MYO18B: variants seen among roughly 807,000 people sequenced by gnomAD.
The protein encoded by MYO18B is myosin XVIIIB.
In MYO18B, 204 loss-of-function variants were observed where a neutral mutation model predicts 273.0. The observed-to-expected ratio is 0.75, with a 90% CI of 0.67 to 0.84. MYO18B has a LOEUF of 0.84. Among genes scored for constraint, MYO18B ranks in the 40% least tolerant of loss-of-function variants. The probability of loss-of-function intolerance (pLI) is 0.00; values close to 1 mark genes in which losing one functional copy is unlikely to be tolerated. For missense variants in MYO18B, 3,212 were observed against 3,287.6 expected (o/e 0.98, Z 0.56); for synonymous variants, 1,330 against 1,305.7 (o/e 1.02, Z -0.40).
chr22:25,997,883 C>A (rs1050915421), intron 40 of MYO18B, among the ~76,000 whole-genome samples: 1 of 151,130 alleles, frequency 6.6e-6, no homozygotes, highest in Non-Finnish European at 1.5e-5. Flanking sequence ...AGGTACTTCT[C>A]CAAACAGAGT....
intron 12 of MYO18B, among the ~76,000 whole-genome samples, chr22:25,815,643 C>T (rs999476192): frequency 6.6e-6 from 1 of 152,148 alleles, no homozygotes; most frequent in East Asian, 1.9e-4. Context: ...TCAAAGATGC[C>T]TCCTTATCCA....
intron 17 of MYO18B, among the ~76,000 whole-genome samples, chr22:25,842,282 T>C (rs1352504126): frequency 6.6e-6 from 1 of 152,200 alleles, no homozygotes; most frequent in Admixed American, 6.5e-5. Context: ...AGGACCCTAG[T>C]GCATGCAAGT....
intron 37 of MYO18B, among the ~76,000 whole-genome samples, chr22:25,951,896 C>G (rs1308571033): frequency 6.6e-6 from 1 of 152,222 alleles, no homozygotes; most frequent in African/African-American, 2.4e-5. Context: ...ACACACCAGG[C>G]AGAAACCTGG....
chr22:25,902,712 A>G lies in MYO18B; in HGVS notation c.4923A>G (p.Leu1641=). The G allele has an allele frequency of 6.3e-7, 1 of 1,588,204 alleles. No individual in the cohort carries two copies. The highest frequency in any genetic ancestry group is 8.6e-7 in the Non-Finnish European group (1 of 1,166,690). The part of the protein sequence containing the change: ...TQENTSVRWE[L]GQLQQQLKQK... ...AGAACACCAGTGTCCGGTGGGAGCTAGGCCAGCTTCAGCAGCAGCTGAAGG... is the reference window on the plus strand; with the variant it reads ...AGAACACCAGTGTCCGGTGGGAGCTGGGCCAGCTTCAGCAGCAGCTGAAGG... Residue 1641 remains leucine, a synonymous_variant, in exon 30 of 44, where the codon CTA becomes CTG. Transcript: ENST00000335473.
At chr22:25,974,404 C>G (rs2093067216) in intron 39 of MYO18B, among the ~76,000 whole-genome samples, 1 of 152,220 alleles carries the variant, frequency 6.6e-6, no homozygotes, top group African/African-American at 2.4e-5. Context: ...GTAATTGGCT[C>G]AACCTAATAG....
intron 12 of MYO18B, among the ~76,000 whole-genome samples, chr22:25,815,030 G>C (rs1217931078): frequency 6.6e-6 from 1 of 152,176 alleles, no homozygotes; most frequent in Non-Finnish European, 1.5e-5. Flanking sequence ...CCAATAAATG[G>C]AATTCATAAT....
intron 25 of MYO18B, among the ~76,000 whole-genome samples, chr22:25,889,283 A>G (rs1402959472): frequency 6.6e-6 from 1 of 152,160 alleles, no homozygotes. Flanking sequence ...CTAGCTCGGG[A>G]AGGGCAGCTA....
the MYO18B span, among the ~76,000 whole-genome samples, chr22:26,047,415 C>G: frequency 6.6e-6 from 1 of 152,164 alleles, no homozygotes; most frequent in African/African-American, 2.4e-5. Context: ...CGTGAGCCAC[C>G]GCGCCCAGCC....
At chr22:25,889,235 A>G (rs370610819) in intron 25 of MYO18B, among the ~76,000 whole-genome samples, 14 of 152,282 alleles carry the variant, frequency 9.2e-5, no homozygotes, top group Admixed American at 2.0e-4. Flanking sequence ...CAGCTGAATA[A>G]ATTTTGAGCC....
chr22:25,796,838 A>C (rs1160004640), intron 11 of MYO18B, among the ~76,000 whole-genome samples: 1 of 152,188 alleles, frequency 6.6e-6, no homozygotes. Flanking sequence ...TTTAAAGCCC[A>C]CGCCCTTTAG....
At chr22:25,918,670 C>T (rs529713378) in intron 33 of MYO18B, among the ~76,000 whole-genome samples, 17 of 152,144 alleles carry the variant, frequency 1.1e-4, no homozygotes, top group Admixed American at 2.0e-4. Context: ...GAATCTGAGC[C>T]ATCTCTACTG....
chr22:25,984,295 T>C (rs2093178358), intron 39 of MYO18B, among the ~76,000 whole-genome samples: 1 of 152,162 alleles, frequency 6.6e-6, no homozygotes, highest in Non-Finnish European at 1.5e-5. Context: ...GTTCCTGCTG[T>C]TTGTGATGTT....
chr22:25,988,840 C>G (rs1210658329), intron 39 of MYO18B, among the ~76,000 whole-genome samples: 1 of 152,194 alleles, frequency 6.6e-6, no homozygotes, highest in Non-Finnish European at 1.5e-5. Flanking sequence ...AGTGAGACAA[C>G]TGAGGGTCAG....
At chr22:25,814,024 G>A (rs1183318181) in intron 12 of MYO18B, among the ~76,000 whole-genome samples, 1 of 152,204 alleles carries the variant, frequency 6.6e-6, no homozygotes, top group Admixed American at 6.5e-5. Context: ...CTGGAATGCT[G>A]CTTGGGATGT....
chr22:25,954,925 G>T (rs2092831428), intron 38 of MYO18B, among the ~76,000 whole-genome samples: 1 of 152,112 alleles, frequency 6.6e-6, no homozygotes, highest in African/African-American at 2.4e-5. Flanking sequence ...GGCCAGGCTG[G>T]TCTCTAATTC....
intron 39 of MYO18B, among the ~76,000 whole-genome samples, chr22:25,975,272 A>G (rs949518958): frequency 3.3e-5 from 5 of 152,216 alleles, no homozygotes; most frequent in South Asian, 4.1e-4. Context: ...TAAATGGACC[A>G]TGAGTGGCCA....
chr22:25,980,243 C>G (rs925948080), intron 39 of MYO18B, among the ~76,000 whole-genome samples: 28 of 152,232 alleles, frequency 1.8e-4, no homozygotes, highest in Admixed American at 1.7e-3. Context: ...CTTAGGCATT[C>G]TGCAGGCAAA....
intron 42 of MYO18B, among the ~76,000 whole-genome samples, chr22:26,017,962 GTTTT>G (rs1935501406): frequency 8.5e-5 from 10 of 117,530 alleles, no homozygotes; most frequent in South Asian, 2.7e-4. Context: ...CAATTTTACT[GTTTT>G]GTTTTTTTTT....
At chr22:25,756,214 T>C (rs1243325235) in intron 1 of MYO18B, 1 of 152,264 alleles carries the variant, frequency 6.6e-6, no homozygotes, top group African/African-American at 2.4e-5. Context: ...CTTTATAACT[T>C]ACTCAGCCCT....
Sources: gnomAD v4.1 joint callset for allele counts (sites outside exome capture counted in the v4.1 genomes callset) on GRCh38, gnomAD v4.1.1 for gene constraint, MANE v1.5 for transcripts, NCBI Gene and HGNC (gene_info 2026-07-23, HGNC 2026-07-21) for gene names.